Variants in LITAF observed in about 807,000 individuals in gnomAD.
LITAF encodes lipopolysaccharide induced TNF factor.
LITAF carries 9 observed loss-of-function variants against 14.5 expected under a neutral mutation model. The observed-to-expected ratio is 0.62, with a 90% CI of 0.37 to 1.08. The LOEUF (loss-of-function observed/expected upper bound fraction) is 1.08. Ranked by LOEUF, LITAF falls within the 50% of genes least tolerant of loss-of-function variation. The pLI, the probability that LITAF is intolerant of heterozygous loss-of-function variation, is 0.01. For missense variants in LITAF, 206 were observed against 213.4 expected, an observed-to-expected ratio of 0.97 and a Z score of 0.22; for synonymous variants, 98 against 88.2, an observed-to-expected ratio of 1.11 and a Z score of -0.62.
In LITAF at chr16:11,548,776, C is replaced by T. The variant is rs1329756404; in HGVS notation, c.*861G>A. On this transcript the variant is annotated 3_prime_UTR_variant, in exon 4 of 4. Transcript: ENST00000622633. ...GGATCGCTTGAGCCCAGGAGTTCGA[C>T]ACCAGCCTGGGCAACATAGTAAGAC... 2.2e-6 allele frequency: 1 copy of T among 452,922 alleles called. No homozygotes were observed. The highest frequency in any genetic ancestry group is 2.0e-5 in the African/African-American group (1 of 49,838). The allele number at this position is 452,922 out of a possible 1,614,324, so 28.1% of individuals were successfully genotyped here.
rs1389879705 is a variant in LITAF, at chr16:11,632,505, GAACT to G, written c.85+1024_85+1027del. The stretch of plus-strand genomic sequence containing the variant: ...GGAAGCTCCCGCAGGTCCCAGCTCA[GAACT>G]AACAGCTACCCCTGACTCTGCGGGC... On this transcript the variant is annotated intron_variant, in intron 3 of 3. Coordinates refer to the LITAF transcript ENST00000574848. The surrounding 1 kb of genome is among the most constrained non-coding windows in gnomAD (Gnocchi z 4.8). Among the ~76,000 whole-genome samples the G allele has an allele frequency of 6.6e-6, 1 of 152,234 alleles. No individual in the cohort carries two copies. Among genetic ancestry groups the G allele is most frequent in the East Asian group, 1.9e-4 (1 of 5,198 alleles).
Position 11,605,241 on chromosome 16 carries a change from A to G in LITAF, c.85+28292T>C, listed in dbSNP as rs999713059. ...AGCTGAATTACGCACCGTGGACTTC[A>G]CCAGTGGGGCTGTGACAAGTGCCTG... On this transcript the variant is annotated intron_variant, in intron 3 of 3. Transcript: ENST00000574848. This position sits in a 1 kb window ranked among gnomAD's most constrained non-coding sequence, Gnocchi z 4.7. Among the ~76,000 whole-genome samples, 2 of 152,174 alleles carry G rather than the reference A, an allele frequency of 1.3e-5. No homozygotes were observed. The highest frequency in any genetic ancestry group is 4.8e-5 in the African/African-American group (2 of 41,502).
chr16:11,588,795 T>G (rs2064831248), upstream of LITAF, among the ~76,000 whole-genome samples: 1 of 152,150 alleles, frequency 6.6e-6, no homozygotes, highest in Non-Finnish European at 1.5e-5. Flanking sequence ...GAAACATCCC[T>G]GTATGAATGC....
upstream of LITAF, chr16:11,587,290 C>T (rs575348819): frequency 5.3e-5 from 23 of 436,432 alleles, no homozygotes; most frequent in East Asian, 9.2e-4. Flanking sequence ...CCCCACTTTC[C>T]CCCCTCCCCG....
At chr16:11,602,760 CAAAA>C (rs35880448), upstream of LITAF, among the ~76,000 whole-genome samples, 13 of 114,198 alleles carry the variant, frequency 1.1e-4, no homozygotes, top group Middle Eastern at 7.8e-3. Flanking sequence ...TGGCTTGTTG[CAAAA>C]AAAAAAAAAA....
chr16:11,630,845 C>T (rs2065114339), intron 3 of LITAF, among the ~76,000 whole-genome samples: 1 of 152,084 alleles, frequency 6.6e-6, no homozygotes, highest in Non-Finnish European at 1.5e-5. Context: ...GATCCTCCCG[C>T]CTCAGCCTCC....
chr16:11,630,758 AT>A (rs35281942), intron 3 of LITAF, among the ~76,000 whole-genome samples: 2 of 150,716 alleles, frequency 1.3e-5, no homozygotes, highest in Non-Finnish European at 3.0e-5. Context: ...TTTTTATTTT[AT>A]TTTTTTTCTA....
rs776433315 is a variant in LITAF at position 11,634,681 on chromosome 16, C to T, written c.-20-1044G>A. ...CAGCAGCACCCATTCCCTGGCCAGA[C>T]GAACTATCCTTGAAAAACCCTAGCC... On this transcript the variant is annotated intron_variant, in intron 2 of 3. Coordinates refer to the LITAF transcript ENST00000574848. The surrounding 1 kb of genome is among the most constrained non-coding windows in gnomAD (Gnocchi z 4.1). Among the ~76,000 whole-genome samples, 11 of 152,124 alleles carry T rather than the reference C, an allele frequency of 7.2e-5. No individual in the cohort carries two copies. Among genetic ancestry groups the T allele is most frequent in the South Asian group, 2.1e-4 (1 of 4,836 alleles).
chr16:11,565,702 C>T (rs58377956), intron 1 of LITAF, among the ~76,000 whole-genome samples: 11,063 of 151,996 alleles, frequency 0.073, 434 homozygotes, highest in Middle Eastern at 0.12. Context: ...CCCTACCAAC[C>T]GCACAGTCTC....
chr16:11,599,278 C>T (rs368079200), upstream of LITAF, among the ~76,000 whole-genome samples: 2 of 149,994 alleles, frequency 1.3e-5, no homozygotes, highest in Non-Finnish European at 3.0e-5. Context: ...TCACCATGCC[C>T]GGCTAACTTT....
chr16:11,621,507 C>T (rs1354441248), intron 3 of LITAF, among the ~76,000 whole-genome samples: 1 of 152,146 alleles, frequency 6.6e-6, no homozygotes, highest in Non-Finnish European at 1.5e-5. Flanking sequence ...TCCTGGCCCA[C>T]CCATGACTTT....
At chr16:11,617,193 C>G (rs551617492) in intron 3 of LITAF, among the ~76,000 whole-genome samples, 27 of 152,082 alleles carry the variant, frequency 1.8e-4, no homozygotes, top group Middle Eastern at 3.4e-3. Context: ...ACACTTCAAC[C>G]TGGGTGACAG....
At chr16:11,590,248 T>G (rs2064839921), upstream of LITAF, among the ~76,000 whole-genome samples, 1 of 116,062 alleles carries the variant, frequency 8.6e-6, no homozygotes, top group Admixed American at 8.4e-5. Flanking sequence ...TAAAGAAAAC[T>G]AAATAAATGG....
chr16:11,614,266 CCTT>C (rs956822341), intron 3 of LITAF, among the ~76,000 whole-genome samples: 19 of 151,750 alleles, frequency 1.3e-4, no homozygotes, highest in African/African-American at 3.4e-4. Flanking sequence ...TTCTCCTTCT[CCTT>C]CTTCTTTCCT....
chr16:11,591,609 T>C (rs148515904), upstream of LITAF, among the ~76,000 whole-genome samples: 834 of 152,312 alleles, frequency 5.5e-3, 12 homozygotes, highest in African/African-American at 0.019. Context: ...CATATATCTA[T>C]GATCAATGAA....
In LITAF at chr16:11,549,842, G is replaced by T; in HGVS notation, c.378-97C>A. The T allele has an allele frequency of 2.1e-6, 2 of 944,450 alleles. No homozygotes were observed. The highest frequency in any genetic ancestry group is 3.3e-6 in the Non-Finnish European group (2 of 597,608). 58.5% of individuals were successfully genotyped at this position (944,450 alleles called of 1,614,324 possible). A position where few individuals can be genotyped will look rare whatever the true frequency, so the allele number is the denominator to read the frequency against. ...GTTCATGTCCTTCTTTGTAAAAAGG[G>T]TCTTTGCCAGTATAATTAGGAATTT... is the stretch of plus-strand genomic sequence containing the variant. On this transcript the variant is annotated intron_variant, in intron 3 of 3. Coordinates refer to ENST00000622633, the MANE Select transcript of LITAF (RefSeq NM_001136472.2). The surrounding 1 kb of genome is among the most constrained non-coding windows in gnomAD (Gnocchi z 4.6).
intron 1 of LITAF, among the ~76,000 whole-genome samples, chr16:11,572,465 C>CT (rs2064559262): frequency 6.6e-6 from 1 of 151,972 alleles, no homozygotes; most frequent in African/African-American, 2.4e-5. Flanking sequence ...CACACACCAG[C>CT]GAGAAGTCAC....
intron 1 of LITAF, among the ~76,000 whole-genome samples, chr16:11,595,952 A>G (rs1201370882): frequency 6.6e-6 from 1 of 151,852 alleles, no homozygotes; most frequent in Non-Finnish European, 1.5e-5. Context: ...CCTGGGTTCC[A>G]TCTAGTAGTG....
At chr16:11,583,939 C>A (rs1197270361) in intron 1 of LITAF, among the ~76,000 whole-genome samples, 1 of 152,152 alleles carries the variant, frequency 6.6e-6, no homozygotes, top group Non-Finnish European at 1.5e-5. Flanking sequence ...ACTGAAATAA[C>A]CTGCAGCCAA....
Sources: allele counts gnomAD v4.1 joint callset (sites outside exome capture counted in the v4.1 genomes callset), GRCh38; gene constraint gnomAD v4.1.1; non-coding constraint Gnocchi (gnomAD v3.1); transcripts MANE v1.5; gene names NCBI Gene and HGNC (gene_info 2026-07-23, HGNC 2026-07-21).